Variants in ZNF236 observed in about 807,000 individuals in gnomAD.
ZNF236 encodes zinc finger protein 236, also known as regulated by glucose.
A neutral mutation model predicts 191.2 loss-of-function variants in ZNF236; 50 were observed. That is an observed-to-expected ratio of 0.26 (90% CI 0.21 to 0.33). The LOEUF (loss-of-function observed/expected upper bound fraction) is 0.33, where lower values mean the gene tolerates loss of function less well. ZNF236 is among the 10% of genes least tolerant of loss of function. The pLI, the probability that ZNF236 is intolerant of heterozygous loss-of-function variation, is 1.00. For missense variants in ZNF236, 1,754 were observed against 2,374.5 expected (o/e 0.74, Z 5.43); for synonymous variants, 907 against 928.8 (o/e 0.98, Z 0.43).
At chr18:76,901,770 A>G (rs1246486152) in intron 11 of ZNF236, among the ~76,000 whole-genome samples, 1 of 152,094 alleles carries the variant, frequency 6.6e-6, no homozygotes, top group Non-Finnish European at 1.5e-5. Flanking sequence ...AAAAAAAAAA[A>G]GTCTGATAAT....
Position 76,920,064 on chromosome 18 carries a change from G to A in ZNF236, c.3557+6G>A. The A allele has an allele frequency of 6.2e-7, 1 of 1,609,618 alleles. No homozygotes were observed. The highest frequency in any genetic ancestry group is 2.2e-5 in the East Asian group (1 of 44,790). On this transcript the variant is annotated splice_donor_region_variant and intron_variant, in intron 20 of 30. Transcript: ENST00000320610. ...AAACCTAGCGACCTGGTGAGGTGAG[G>A]GCATGGCTACGCCGCGCGGGTTCCG...
At chr18:76,833,791 G>T (rs1162465715) in intron 1 of ZNF236, among the ~76,000 whole-genome samples, 1 of 152,122 alleles carries the variant, frequency 6.6e-6, no homozygotes, top group Non-Finnish European at 1.5e-5. Context: ...ATCTGTGGTA[G>T]AATTCCCTGT....
chr18:76,874,032 C>A (rs1976650792), intron 5 of ZNF236, among the ~76,000 whole-genome samples: 1 of 151,346 alleles, frequency 6.6e-6, no homozygotes, highest in Non-Finnish European at 1.5e-5. Context: ...TGCCTGTCCT[C>A]CTCTCCTGTC....
chr18:76,847,008 G>A (rs560794912), intron 1 of ZNF236, among the ~76,000 whole-genome samples: 20 of 152,182 alleles, frequency 1.3e-4, no homozygotes, highest in African/African-American at 4.3e-4. Flanking sequence ...GGCCAGGCTG[G>A]TCTCAAACTC....
chr18:76,836,624 C>G (rs1183386642), intron 1 of ZNF236, among the ~76,000 whole-genome samples: 1 of 152,044 alleles, frequency 6.6e-6, no homozygotes, highest in Non-Finnish European at 1.5e-5. Context: ...GTCGCCCAGG[C>G]TAGAGTGCAG....
chr18:76,943,265 A>G (rs1254521437), intron 26 of ZNF236, among the ~76,000 whole-genome samples: 1 of 152,166 alleles, frequency 6.6e-6, no homozygotes, highest in African/African-American at 2.4e-5. Flanking sequence ...GGAGTAAGTG[A>G]TAATTTTAAT....
intron 28 of ZNF236, 142 bp from the exon 29 acceptor site, chr18:76,959,545 T>A (rs1599428249): frequency 1.0e-6 from 1 of 976,320 alleles, no homozygotes; most frequent in Non-Finnish European, 1.4e-6. Context: ...TGCATTGAAG[T>A]CCTTAAGAAC....
chr18:76,882,352 C>T (rs1270241590), intron 9 of ZNF236, among the ~76,000 whole-genome samples: 3 of 152,178 alleles, frequency 2.0e-5, no homozygotes, highest in Non-Finnish European at 4.4e-5. Context: ...GTTTAGGATT[C>T]CTGCGTTCTC....
intron 6 of ZNF236, among the ~76,000 whole-genome samples, chr18:76,876,269 T>C (rs1178911677): frequency 1.3e-5 from 2 of 152,252 alleles, no homozygotes; most frequent in East Asian, 1.9e-4. Context: ...TCGTGACTTA[T>C]TGATTTATAT....
chr18:76,882,094 T>C (rs1475480967), intron 9 of ZNF236, among the ~76,000 whole-genome samples: 1 of 152,062 alleles, frequency 6.6e-6, no homozygotes. Flanking sequence ...CACAAACTTA[T>C]TAGACATCAT....
intron 19 of ZNF236, among the ~76,000 whole-genome samples, chr18:76,916,084 G>A (rs752398537): frequency 2.6e-5 from 4 of 152,256 alleles, no homozygotes; most frequent in Admixed American, 6.5e-5. Flanking sequence ...AAATCACCAC[G>A]CGCTGAATTG....
chr18:76,929,230 T>A (rs1967787201), intron 25 of ZNF236, among the ~76,000 whole-genome samples: 1 of 152,068 alleles, frequency 6.6e-6, no homozygotes, highest in African/African-American at 2.4e-5. Flanking sequence ...TTTGAGGAAC[T>A]GTTTTTAGGT....
rs371682848 is a variant in ZNF236 at position 76,931,493 on chromosome 18, T to C, written c.4594+3387T>C. Among the ~76,000 whole-genome samples, 5 of 152,156 alleles carry C rather than the reference T, an allele frequency of 3.3e-5. No individual in the cohort carries two copies. The East Asian group carries it at 5.8e-4, about 18-fold the overall frequency. ...TAATTTTATTCAACTGTACAAAGCA[T>C]CGTATATTTATACAAGTTAGCATGT... is the stretch of plus-strand genomic sequence containing the variant. On this transcript the variant is annotated intron_variant, in intron 25 of 30. Coordinates refer to ENST00000320610, the MANE Select transcript of ZNF236 (RefSeq NM_001306089.2).
Position 76,915,663 on chromosome 18 carries a change from C to T in ZNF236, c.3078C>T (p.Ser1026=). 2 of 1,613,986 alleles carry T rather than the reference C, an allele frequency of 1.2e-6. No individual in the cohort carries two copies. Among genetic ancestry groups the T allele is most frequent in the Non-Finnish European group, 1.7e-6 (2 of 1,180,026 alleles). Residue 1026 remains serine (S), a synonymous_variant, in exon 19 of 31, where the codon AGC becomes AGT. Coordinates refer to ENST00000320610, the MANE Select transcript of ZNF236 (RefSeq NM_001306089.2). ...EKTHTGVKAF[S]CSVCNASFTT... ...TGCTTGCAGGAGTGAAGGCGTTCAG[C>T]TGCAGTGTGTGCAATGCTTCCTTCA...
intron 9 of ZNF236, among the ~76,000 whole-genome samples, chr18:76,892,868 T>TA (rs1235167212): frequency 6.6e-6 from 1 of 152,200 alleles, no homozygotes. Flanking sequence ...CACCTGGACT[T>TA]ACTATTTGAA....
chr18:76,895,352 A>G, intron 10 of ZNF236, 67 bp downstream of exon 10: 1 of 1,573,788 alleles, frequency 6.4e-7, no homozygotes, highest in Non-Finnish European at 8.6e-7. Context: ...CTGCGCACAT[A>G]TACCAAACAC....
chr18:76,926,110 C>G (rs1343383349), intron 22 of ZNF236, among the ~76,000 whole-genome samples: 3 of 152,152 alleles, frequency 2.0e-5, no homozygotes, highest in Non-Finnish European at 4.4e-5. Flanking sequence ...GAACCTTTGG[C>G]TAATCAGTAG....
rs71760598 is a variant in ZNF236 at position 76,837,437 on chromosome 18, C to CTT, written c.56-12070_56-12069dup. Among the ~76,000 whole-genome samples, 713 of 105,854 alleles carry CTT rather than the reference C, an allele frequency of 6.7e-3. 18 individuals are homozygous for CTT. Among genetic ancestry groups the CTT allele is most frequent in the African/African-American group, 0.018 (473 of 26,656 alleles). The allele number at this position is 105,854 out of a possible 152,430, so 69.4% of individuals were successfully genotyped here. On this transcript the variant is annotated intron_variant, in intron 1 of 30. Coordinates refer to ENST00000320610, the MANE Select transcript of ZNF236 (RefSeq NM_001306089.2). ...AATTCCTTTTTTTCTTTTTCTTTTT[C>CTT]TTTTTTTTTTTTTTTTTTTTGAGAC...
Position 76,880,617 on chromosome 18 carries a change from G to C in ZNF236, c.1188+301G>C, listed in dbSNP as rs1242337139. Among the ~76,000 whole-genome samples, 1 of 152,064 alleles carries C rather than the reference G, an allele frequency of 6.6e-6. No homozygotes were observed. Among genetic ancestry groups the C allele is most frequent in the Non-Finnish European group, 1.5e-5 (1 of 68,014 alleles). ...GTTGTATCTATTTATGTTGACAGAG[G>C]TGGAAAAAGCGTTTTATTCTTTCTT... On this transcript the variant is annotated intron_variant, in intron 8 of 30. Coordinates refer to ENST00000320610, the MANE Select transcript of ZNF236 (RefSeq NM_001306089.2). This position sits in a 1 kb window ranked among gnomAD's most constrained non-coding sequence, Gnocchi z 5.0.
Sources: gnomAD v4.1 joint callset for allele counts (sites outside exome capture counted in the v4.1 genomes callset) on GRCh38, gnomAD v4.1.1 for gene constraint, Gnocchi (gnomAD v3.1) non-coding constraint, MANE v1.5 for transcripts, NCBI Gene and HGNC (gene_info 2026-07-23, HGNC 2026-07-21) for gene names.